The following TRMT9B variants were observed in gnomAD, a reference collection of about 807,000 sequenced individuals.
TRMT9B encodes the protein tRNA methyltransferase 9B (putative).
Under a neutral mutation model 11.5 loss-of-function variants are expected in TRMT9B, and 16 were observed. The ratio of observed to expected loss-of-function variants is 1.39; its 90% confidence interval spans 0.94 to 2.11. TRMT9B has a LOEUF of 2.11. Ranked by LOEUF, TRMT9B falls within the 30% of genes most tolerant of loss-of-function variation. The pLI, the probability that TRMT9B is intolerant of heterozygous loss-of-function variation, is 0.00. For synonymous variants in TRMT9B, 274 were observed against 192.4 expected, an observed-to-expected ratio of 1.42 and a Z score of -3.51; for missense variants, 941 against 553.8, an observed-to-expected ratio of 1.70 and a Z score of -7.02.
Position 13,001,761 on chromosome 8 carries a change from G to C in TRMT9B, c.-1-4441G>C, listed in dbSNP as rs117790862. 8.3e-4 allele frequency among the ~76,000 whole-genome samples: 127 copies of C among 152,296 alleles called. 1 individual carries two copies. The East Asian group carries it at 0.024, about 29-fold the overall frequency. On this transcript the variant is annotated intron_variant, in intron 2 of 4. Coordinates refer to ENST00000524591, the MANE Select transcript of TRMT9B (RefSeq NM_020844.3). ...CTCATAGTGTGCTGGTGTGCATTTT[G>C]AATCTCAAAGGAGGGACACAATGTG...
At chr8:12,992,254 C>T (rs1011148566) in intron 2 of TRMT9B, among the ~76,000 whole-genome samples, 7 of 152,120 alleles carry the variant, frequency 4.6e-5, no homozygotes, top group Non-Finnish European at 7.4e-5. Flanking sequence ...CCATCTCTGC[C>T]GTCCAAAAAC....
intron 3 of TRMT9B, chr8:13,010,234 T>G (rs1224330306): frequency 1.1e-6 from 1 of 876,562 alleles, no homozygotes; most frequent in Non-Finnish European, 1.4e-6. Context: ...CCAATTTGTA[T>G]CTTTTGAATT....
At chr8:12,962,873 C>G (rs566750408) in intron 1 of TRMT9B, among the ~76,000 whole-genome samples, 25 of 152,166 alleles carry the variant, frequency 1.6e-4, no homozygotes, top group Non-Finnish European at 2.6e-4. Flanking sequence ...AATCCTACCA[C>G]TGGCACAGCT....
chr8:12,952,794 C>T (rs137863551), intron 1 of TRMT9B: 1 of 544,932 alleles, frequency 1.8e-6, no homozygotes, highest in South Asian at 8.0e-5. Flanking sequence ...GGCTGGAGTG[C>T]AATGGCACGA....
intron 1 of TRMT9B, among the ~76,000 whole-genome samples, chr8:12,947,977 C>G (rs1159461839): frequency 6.6e-6 from 1 of 152,180 alleles, no homozygotes; most frequent in East Asian, 1.9e-4. Context: ...AGGTGTGTGC[C>G]AGACCCAGGG....
At chr8:13,011,902 G>T (rs912100526) in intron 3 of TRMT9B, 1 of 985,080 alleles carries the variant, frequency 1.0e-6, no homozygotes, top group Non-Finnish European at 1.2e-6. Flanking sequence ...ATGTTTTAGT[G>T]TATAAATAAT....
chr8:13,007,935 A>G (rs1017553001), intron 3 of TRMT9B, among the ~76,000 whole-genome samples: 5 of 152,240 alleles, frequency 3.3e-5, no homozygotes, highest in Non-Finnish European at 5.9e-5. Flanking sequence ...TATGATACAC[A>G]TACAAAAAGA....
intron 1 of TRMT9B, among the ~76,000 whole-genome samples, chr8:12,976,592 TA>T (rs1410545187): frequency 1.3e-5 from 2 of 151,558 alleles, no homozygotes; most frequent in Admixed American, 1.3e-4. Context: ...ATACAAAAAA[TA>T]AAAAATAAAA....
rs1292859399 is a variant in TRMT9B, at chr8:12,970,749, G to A, written c.-199-20085G>A. ...AAGTGGAATTAGGAATTGGCACCAA[G>A]GCTTTTTATGACACTTTTGGCTTCC... is the stretch of plus-strand genomic sequence containing the variant. On this transcript the variant is annotated intron_variant, in intron 1 of 4. Transcript: ENST00000524591. Among the ~76,000 whole-genome samples, 6 of 152,302 alleles carry A rather than the reference G, an allele frequency of 3.9e-5. No individual in the cohort carries two copies. The East Asian group carries it at 9.7e-4, about 25-fold the overall frequency.
intron 1 of TRMT9B, among the ~76,000 whole-genome samples, chr8:12,967,362 A>T (rs1802958365): frequency 6.6e-6 from 1 of 152,198 alleles, no homozygotes; most frequent in Non-Finnish European, 1.5e-5. Flanking sequence ...GGTCTAGAAA[A>T]ATCCTTTTCT....
intron 2 of TRMT9B, among the ~76,000 whole-genome samples, chr8:12,999,778 G>T (rs1035018465): frequency 6.6e-6 from 1 of 152,140 alleles, no homozygotes; most frequent in Non-Finnish European, 1.5e-5. Flanking sequence ...GAGTGTAGAG[G>T]TTATATTTCT....
intron 2 of TRMT9B, among the ~76,000 whole-genome samples, chr8:12,999,023 G>C (rs1214890421): frequency 6.6e-6 from 1 of 152,148 alleles, no homozygotes; most frequent in Non-Finnish European, 1.5e-5. Context: ...TTCAGGGGCT[G>C]GGCGCAGTGG....
chr8:13,021,972 C>T lies in TRMT9B; in HGVS notation c.1293C>T (p.Leu431=). Residue 431 remains leucine, a synonymous_variant, in exon 5 of 5, where the codon CTC becomes CTT. Coordinates refer to ENST00000524591, the MANE Select transcript of TRMT9B (RefSeq NM_020844.3). The stretch of plus-strand genomic sequence containing the variant: ...TGCTCAAGGAGAATGTGTCAGAGCT[C>T]CGTATCCTGAGTTCTGGGAATGATC... ...CSLLKENVSE[L]RILSSGNDHG... is the part of the protein sequence containing the mutation. The T allele has an allele frequency of 6.2e-7, 1 of 1,613,408 alleles. No homozygotes were observed. Among genetic ancestry groups the T allele is most frequent in the South Asian group, 1.1e-5 (1 of 90,910 alleles).
At chr8:13,016,177 A>G (rs1377082110) in intron 4 of TRMT9B, among the ~76,000 whole-genome samples, 8 of 92,522 alleles carry the variant, frequency 8.6e-5, no homozygotes, top group Admixed American at 2.7e-4. Context: ...ATAAACATAT[A>G]TAAATATAAA....
intron 3 of TRMT9B, chr8:13,010,718 T>A (rs1811427466): frequency 1.0e-6 from 1 of 984,788 alleles, no homozygotes; most frequent in Non-Finnish European, 1.2e-6. Flanking sequence ...TTCCCTTTCA[T>A]TTCTCCTAAA....
chr8:13,021,073 G>T lies in TRMT9B; in HGVS notation c.394G>T (p.Val132Phe), dbSNP rs772578308. 3 of 1,603,024 alleles carry T rather than the reference G, an allele frequency of 1.9e-6. No homozygotes were observed. The highest frequency in any genetic ancestry group is 1.1e-5 in the South Asian group (1 of 89,574). ...RAIKEMARVL[V>F]PGGQLMIYVW... Reference sequence around the variant, plus strand: ...AATAAAAGAAATGGCCAGGGTCTTAGTTCCCGGAGGCCAACTGATGATTTA... The same window carrying T: ...AATAAAAGAAATGGCCAGGGTCTTATTTCCCGGAGGCCAACTGATGATTTA... The change falls in exon 5 of 5, where the codon GTT becomes TTT. Residue 132 changes from valine to phenylalanine, a missense_variant. Transcript: ENST00000524591.
rs1199769987 is a variant in TRMT9B, at chr8:13,022,899, C to T, written c.*855C>T. The T allele has an allele frequency of 1.1e-4, 18 of 166,346 alleles. No individual in the cohort carries two copies. Among genetic ancestry groups the T allele is most frequent in the Non-Finnish European group, 1.5e-5 (1 of 68,108 alleles). The allele number at this position is 166,346 out of a possible 1,614,324, so 10.3% of individuals were successfully genotyped here. A position where few individuals can be genotyped will look rare whatever the true frequency, so the allele number is the denominator to read the frequency against. On this transcript the variant is annotated 3_prime_UTR_variant, in exon 5 of 5. Coordinates refer to ENST00000524591, the MANE Select transcript of TRMT9B (RefSeq NM_020844.3). ...TCAAGAGACTGAGGCAGGAGGATCA[C>T]GTGAGCCCAGGAATTCAAGGCTGCA...
chr8:13,020,312 T>C (rs1224809375), intron 4 of TRMT9B, among the ~76,000 whole-genome samples: 1 of 152,230 alleles, frequency 6.6e-6, no homozygotes, highest in Non-Finnish European at 1.5e-5. Context: ...CTAGCACTTT[T>C]ATTGGCAGAT....
At chr8:13,004,017 AAACACCGTATCG>A (rs1809952401) in intron 2 of TRMT9B, among the ~76,000 whole-genome samples, 1 of 151,868 alleles carries the variant, frequency 6.6e-6, no homozygotes, top group South Asian at 2.1e-4. Context: ...TGCGTTTGTG[AAACACCGTATCG>A]AACTCAGTGC....
Sources: allele counts gnomAD v4.1 joint callset (sites outside exome capture counted in the v4.1 genomes callset), GRCh38; gene constraint gnomAD v4.1.1; transcripts MANE v1.5; gene names NCBI Gene and HGNC (gene_info 2026-07-23, HGNC 2026-07-21).